DEPTOR: variants seen among roughly 807,000 people sequenced by gnomAD.
The protein encoded by DEPTOR is DEP domain containing MTOR interacting protein.
In DEPTOR, 41 loss-of-function variants were observed where a neutral mutation model predicts 41.6. The ratio of observed to expected loss-of-function variants is 0.98; its 90% CI spans 0.77 to 1.28. The LOEUF (loss-of-function observed/expected upper bound fraction) is 1.28, where lower values mean the gene tolerates loss of function less well. Ranked by LOEUF, DEPTOR falls within the 50% of genes most tolerant of loss-of-function variation. DEPTOR has a pLI of 0.00. For synonymous variants in DEPTOR, 195 were observed against 192.3 expected (o/e 1.01, Z -0.12); for missense variants, 514 against 527.9 (o/e 0.97, Z 0.26).
chr8:119,929,713 G>T (rs7007554), intron 2 of DEPTOR, 102 bp from the exon 3 acceptor site: 336,878 of 1,452,392 alleles, frequency 0.23, 46,274 homozygotes, highest in African/African-American at 0.58. Flanking sequence ...CATGAAGAAT[G>T]TGATAGTGAA....
At chr8:119,932,487 C>T (rs886580110) in intron 3 of DEPTOR, among the ~76,000 whole-genome samples, 1 of 152,192 alleles carries the variant, frequency 6.6e-6, no homozygotes, top group South Asian at 2.1e-4. Flanking sequence ...GTTGGATCTC[C>T]CTTCCATCCT....
intron 8 of DEPTOR, among the ~76,000 whole-genome samples, chr8:120,031,993 A>T (rs1198821147): frequency 6.6e-6 from 1 of 152,132 alleles, no homozygotes; most frequent in Admixed American, 6.6e-5. Flanking sequence ...TGGGATGAAG[A>T]GCTGGACACA....
At chr8:119,927,745 A>G (rs1412600905) in intron 1 of DEPTOR, among the ~76,000 whole-genome samples, 1 of 151,832 alleles carries the variant, frequency 6.6e-6, no homozygotes, top group African/African-American at 2.4e-5. Flanking sequence ...AGTAGCTGGG[A>G]TTACAGGCAC....
chr8:119,993,101 A>G (rs764006750), intron 4 of DEPTOR, among the ~76,000 whole-genome samples: 1 of 152,196 alleles, frequency 6.6e-6, no homozygotes, highest in Non-Finnish European at 1.5e-5. Context: ...GTCTGCTAAA[A>G]TCATCCTAAT....
intron 8 of DEPTOR, among the ~76,000 whole-genome samples, chr8:120,021,275 G>A (rs1586661376): frequency 6.6e-6 from 1 of 151,700 alleles, no homozygotes; most frequent in African/African-American, 2.4e-5. Context: ...ATGGTGGCAG[G>A]CACCTGTAAT....
At chr8:119,903,267 T>G (rs997030253) in intron 1 of DEPTOR, among the ~76,000 whole-genome samples, 1 of 152,198 alleles carries the variant, frequency 6.6e-6, no homozygotes, top group Non-Finnish European at 1.5e-5. Context: ...CCCAGCTAAT[T>G]TTGTATTTTT....
intron 1 of DEPTOR, among the ~76,000 whole-genome samples, chr8:119,927,513 C>A (rs1827977656): frequency 6.6e-6 from 1 of 150,660 alleles, no homozygotes; most frequent in African/African-American, 2.4e-5. Context: ...TCTTTCTAGG[C>A]AGATTCTTCC....
At chr8:119,978,220 C>CTATGCAG (rs1425038444) in intron 4 of DEPTOR, among the ~76,000 whole-genome samples, 4 of 152,146 alleles carry the variant, frequency 2.6e-5, no homozygotes, top group African/African-American at 9.7e-5. Context: ...CACAATATCT[C>CTATGCAG]TATGCAGTTG....
At chr8:120,008,527 C>CAAAAAAAAA (rs35570467) in intron 7 of DEPTOR, among the ~76,000 whole-genome samples, 3 of 99,698 alleles carry the variant, frequency 3.0e-5, no homozygotes, top group East Asian at 3.4e-4. Flanking sequence ...GACTCTGTCT[C>CAAAAAAAAA]AAAAAAAAAA....
intron 4 of DEPTOR, among the ~76,000 whole-genome samples, chr8:119,972,731 C>T (rs528937750): frequency 7.8e-4 from 119 of 152,106 alleles, no homozygotes; most frequent in African/African-American, 2.3e-3. Flanking sequence ...CACTCTTAAC[C>T]GCTAAAGAAG....
chr8:120,036,988 T>C (rs534368284), intron 8 of DEPTOR, among the ~76,000 whole-genome samples: 1 of 152,346 alleles, frequency 6.6e-6, no homozygotes, highest in South Asian at 2.1e-4. Flanking sequence ...GGTTTTTGTT[T>C]TTATTTTAAT....
At chr8:120,034,460 T>C (rs1161666341) in intron 8 of DEPTOR, among the ~76,000 whole-genome samples, 23 of 142,062 alleles carry the variant, frequency 1.6e-4, no homozygotes, top group African/African-American at 6.1e-4. Flanking sequence ...TTTTTTTTTT[T>C]TTTTTGAGAT....
chr8:119,878,261 C>A (rs895665459), intron 1 of DEPTOR, among the ~76,000 whole-genome samples: 1 of 151,498 alleles, frequency 6.6e-6, no homozygotes, highest in African/African-American at 2.4e-5. Flanking sequence ...GTGATCCGCT[C>A]ACCTCAGCCT....
intron 4 of DEPTOR, among the ~76,000 whole-genome samples, chr8:119,998,814 A>T (rs1812305864): frequency 3.3e-5 from 5 of 152,154 alleles, no homozygotes; most frequent in African/African-American, 2.4e-5. Flanking sequence ...TCACAGAAGC[A>T]GTAAGAGCAG....
intron 1 of DEPTOR, among the ~76,000 whole-genome samples, chr8:119,927,398 G>T (rs56658648): frequency 0.22 from 33,021 of 151,630 alleles, 4,171 homozygotes; most frequent in African/African-American, 0.34. Context: ...ATGAACTGTT[G>T]AATTCAGGTG....
intron 1 of DEPTOR, among the ~76,000 whole-genome samples, chr8:119,900,954 A>G (rs1489436146): frequency 6.6e-6 from 1 of 152,190 alleles, no homozygotes; most frequent in Non-Finnish European, 1.5e-5. Context: ...TAAATGTGAA[A>G]TGCATGTTGA....
chr8:120,023,919 G>A (rs1262783484), intron 8 of DEPTOR, among the ~76,000 whole-genome samples: 2 of 151,964 alleles, frequency 1.3e-5, no homozygotes, highest in Non-Finnish European at 1.5e-5. Flanking sequence ...AAGAAGGGAA[G>A]CAGAGGGCAC....
chr8:119,962,276 CAAAA>C (rs1828503819), intron 3 of DEPTOR, among the ~76,000 whole-genome samples: 2 of 151,878 alleles, frequency 1.3e-5, no homozygotes, highest in South Asian at 4.2e-4. Context: ...AAAACAAAAA[CAAAA>C]AACCCCAAAG....
At chr8:120,012,148 GTGT>G (rs1812540070) in intron 8 of DEPTOR, among the ~76,000 whole-genome samples, 1 of 152,182 alleles carries the variant, frequency 6.6e-6, no homozygotes, top group Non-Finnish European at 1.5e-5. Context: ...ATCTTTATCA[GTGT>G]TGTTGTTAAG....
Sources: gnomAD v4.1 joint callset for allele counts (sites outside exome capture counted in the v4.1 genomes callset) on GRCh38, gnomAD v4.1.1 for gene constraint, MANE v1.5 for transcripts, NCBI Gene and HGNC (gene_info 2026-07-23, HGNC 2026-07-21) for gene names.